Variants in BICC1 observed in about 807,000 individuals in gnomAD.
BICC1 encodes the protein BicC family RNA binding protein 1.
Under a neutral mutation model 111.0 loss-of-function variants are expected in BICC1, and 43 were observed. That is an observed-to-expected ratio of 0.39 (90% confidence interval 0.30 to 0.50). BICC1 has a LOEUF of 0.50. Ranked by LOEUF, BICC1 falls within the 20% of genes least tolerant of loss-of-function variation. The pLI, the probability that BICC1 is intolerant of heterozygous loss-of-function variation, is 0.88. For synonymous variants in BICC1, 467 were observed against 434.4 expected, an observed-to-expected ratio of 1.07 and a Z score of -0.93; for missense variants, 1,091 against 1,203.2, an observed-to-expected ratio of 0.91 and a Z score of 1.38.
At chr10:58,667,554 CT>C (rs372064882) in intron 2 of BICC1, among the ~76,000 whole-genome samples, 14 of 151,318 alleles carry the variant, frequency 9.3e-5, no homozygotes, top group East Asian at 3.9e-4. Context: ...TTTAAGTACT[CT>C]TTTTTTTTGG....
chr10:58,793,487 T>G lies in BICC1; in HGVS notation c.1051T>G (p.Cys351Gly). The G allele has an allele frequency of 6.2e-7, 1 of 1,610,890 alleles. No individual in the cohort carries two copies. Among genetic ancestry groups the G allele is most frequent in the Non-Finnish European group, 8.5e-7 (1 of 1,178,122 alleles). ...VCLARQYLMGCLPLVLMFDMK... is the reference protein window; with the variant it reads ...VCLARQYLMGGLPLVLMFDMK... Reference sequence around the variant, plus strand: ...ATTCTATTGTGACATTTTCTAGGGTTGTCTTCCTCTTGTGTTGATGTTTGA... The same window carrying G: ...ATTCTATTGTGACATTTTCTAGGGTGGTCTTCCTCTTGTGTTGATGTTTGA... The change falls in exon 9 of 21, where the codon TGT becomes GGT. Residue 351 changes from cysteine (C) to glycine (G), a missense_variant. Physicochemically the swap from Cys to Gly is radical, Grantham distance 159. Coordinates refer to ENST00000373886, the MANE Select transcript of BICC1 (RefSeq NM_001080512.3).
chr10:58,785,991 C>A (rs1296263585), intron 4 of BICC1, among the ~76,000 whole-genome samples: 1 of 151,984 alleles, frequency 6.6e-6, no homozygotes, highest in African/African-American at 2.4e-5. Flanking sequence ...GAATTTTCTT[C>A]AGGAAAGGGG....
intron 2 of BICC1, among the ~76,000 whole-genome samples, chr10:58,662,075 T>C (rs1838861809): frequency 6.6e-6 from 1 of 152,172 alleles, no homozygotes; most frequent in African/African-American, 2.4e-5. Flanking sequence ...GAGGCACATA[T>C]GGGCGTGCAG....
chr10:58,657,168 G>A (rs957840746), intron 2 of BICC1, among the ~76,000 whole-genome samples: 30 of 152,098 alleles, frequency 2.0e-4, no homozygotes, highest in African/African-American at 6.8e-4. Context: ...TGGGCGAGAT[G>A]CATTATTCTT....
chr10:58,734,272 T>C (rs1841404135), intron 3 of BICC1, among the ~76,000 whole-genome samples: 1 of 152,142 alleles, frequency 6.6e-6, no homozygotes, highest in Non-Finnish European at 1.5e-5. Flanking sequence ...CTCTTGAGAG[T>C]CTGTGATCAT....
In BICC1 at chr10:58,513,125, C is replaced by G. The variant is rs1179014502; in HGVS notation, c.-19C>G. 3 of 1,433,030 alleles carry G rather than the reference C, an allele frequency of 2.1e-6. No homozygotes were observed. Among genetic ancestry groups the G allele is most frequent in the Middle Eastern group, 2.3e-4 (1 of 4,278 alleles). The allele number at this position is 1,433,030 out of a possible 1,614,324, so 88.8% of individuals were successfully genotyped here. The stretch of plus-strand genomic sequence containing the variant: ...CAGAGCGGCGGCGGCAGCGGGAGCC[C>G]GAGCGCTGCGCGCCCACCATGGCCG... On this transcript the variant is annotated 5_prime_UTR_variant, in exon 1 of 21. Coordinates refer to ENST00000373886, the MANE Select transcript of BICC1 (RefSeq NM_001080512.3).
chr10:58,715,523 C>T (rs1464561726), intron 3 of BICC1: 15 of 1,324,564 alleles, frequency 1.1e-5, no homozygotes, highest in Middle Eastern at 1.8e-4. Context: ...TGGTTTCCCT[C>T]GGCGTGCCAC....
At chr10:58,589,908 C>G (rs371414968) in intron 1 of BICC1, among the ~76,000 whole-genome samples, 2 of 152,172 alleles carry the variant, frequency 1.3e-5, no homozygotes, top group African/African-American at 4.8e-5. Flanking sequence ...TGGCCTCAAG[C>G]GATCGTCCTG....
chr10:58,602,966 G>A (rs1308231144), intron 1 of BICC1, among the ~76,000 whole-genome samples: 1 of 152,142 alleles, frequency 6.6e-6, no homozygotes, highest in Non-Finnish European at 1.5e-5. Context: ...GACACCTGCT[G>A]ATTTACTTTA....
In BICC1 at chr10:58,513,084, G is replaced by T; in HGVS notation, c.-60G>T. On this transcript the variant is annotated 5_prime_UTR_variant, in exon 1 of 21. Coordinates refer to ENST00000373886, the MANE Select transcript of BICC1 (RefSeq NM_001080512.3). ...GCCAGTTGAGCCCGGCCGGCGAGCGGAGGCGGCAGCGCAGGCAGAGCGGCG... is the reference window on the plus strand; with the variant it reads ...GCCAGTTGAGCCCGGCCGGCGAGCGTAGGCGGCAGCGCAGGCAGAGCGGCG... 22 of 1,256,904 alleles carry T rather than the reference G, an allele frequency of 1.8e-5. No individual in the cohort carries two copies. Among genetic ancestry groups the T allele is most frequent in the Non-Finnish European group, 2.2e-5 (22 of 991,504 alleles). The allele number at this position is 1,256,904 out of a possible 1,614,324, so 77.9% of individuals were successfully genotyped here.
At chr10:58,517,723 A>C (rs1842279313) in intron 1 of BICC1, among the ~76,000 whole-genome samples, 1 of 152,202 alleles carries the variant, frequency 6.6e-6, no homozygotes. Flanking sequence ...AGAATCCATC[A>C]CTTGGCGACC....
At chr10:58,532,804 CAA>C (rs1842716383) in intron 1 of BICC1, among the ~76,000 whole-genome samples, 1 of 151,912 alleles carries the variant, frequency 6.6e-6, no homozygotes, top group Admixed American at 6.6e-5. Context: ...TAGCTGCACA[CAA>C]GAGCTTTCAG....
At chr10:58,757,449 G>A (rs549867711) in intron 3 of BICC1, among the ~76,000 whole-genome samples, 5 of 151,180 alleles carry the variant, frequency 3.3e-5, no homozygotes, top group Non-Finnish European at 5.9e-5. Context: ...TCAGAGGTGA[G>A]AACTAAAGCC....
At chr10:58,539,757 C>A (rs1170418881) in intron 1 of BICC1, among the ~76,000 whole-genome samples, 5 of 151,870 alleles carry the variant, frequency 3.3e-5, no homozygotes, top group Admixed American at 6.6e-5. Context: ...AAACAGAGCA[C>A]TTGAATAATG....
chr10:58,758,066 A>G (rs1046041611), intron 3 of BICC1, among the ~76,000 whole-genome samples: 6 of 152,116 alleles, frequency 3.9e-5, no homozygotes, highest in Admixed American at 2.6e-4. Context: ...TCCTTCTACT[A>G]TCTTAAAAAA....
chr10:58,551,561 A>C (rs572032625), intron 1 of BICC1, among the ~76,000 whole-genome samples: 1 of 152,304 alleles, frequency 6.6e-6, no homozygotes, highest in South Asian at 2.1e-4. Context: ...TATTAACTGT[A>C]GTCACAATGT....
chr10:58,644,581 G>C (rs891941179), intron 2 of BICC1, among the ~76,000 whole-genome samples: 17 of 152,044 alleles, frequency 1.1e-4, no homozygotes, highest in African/African-American at 4.1e-4. Flanking sequence ...CTCCCTTTAG[G>C]CTCCATGGAA....
intron 1 of BICC1, among the ~76,000 whole-genome samples, chr10:58,599,100 C>G (rs1844935766): frequency 6.6e-6 from 1 of 152,142 alleles, no homozygotes; most frequent in Non-Finnish European, 1.5e-5. Context: ...AGCAATTCCT[C>G]AAGGATATAG....
intron 2 of BICC1, among the ~76,000 whole-genome samples, chr10:58,698,300 G>A (rs928829202): frequency 7.9e-5 from 12 of 152,164 alleles, no homozygotes; most frequent in Admixed American, 3.3e-4. Context: ...TGTGGGGTGA[G>A]CCTTGAAGCC....
Sources: allele counts gnomAD v4.1 joint callset (sites outside exome capture counted in the v4.1 genomes callset), GRCh38; gene constraint gnomAD v4.1.1; transcripts MANE v1.5; gene names NCBI Gene and HGNC (gene_info 2026-07-23, HGNC 2026-07-21).